The following MAF variants were observed in gnomAD, a reference collection of about 807,000 sequenced individuals.
The protein encoded by MAF is MAF bZIP transcription factor, also known as transcription factor Maf.
A neutral mutation model predicts 22.0 loss-of-function variants in MAF; 10 were observed. The observed-to-expected ratio is 0.45, with a 90% CI of 0.28 to 0.77. MAF has a LOEUF of 0.77. Among genes scored for constraint, MAF ranks in the 30% least tolerant of loss-of-function variants. MAF has a pLI of 0.12. For synonymous variants in MAF, 337 were observed against 255.8 expected (o/e 1.32, Z -3.03); for missense variants, 544 against 548.4 (o/e 0.99, Z 0.08).
chr16:79,557,184 C>T, the MAF span, among the ~76,000 whole-genome samples: 1 of 110,134 alleles, frequency 9.1e-6, no homozygotes, highest in Non-Finnish European at 2.1e-5. Flanking sequence ...TTATTCAATT[C>T]CATTGCTAGT....
At chr16:79,213,931 C>T in the MAF span, among the ~76,000 whole-genome samples, 1 of 152,036 alleles carries the variant, frequency 6.6e-6, no homozygotes, top group African/African-American at 2.4e-5. Context: ...CTCCAGCTAC[C>T]TCTCTAATCT....
At chr16:79,595,549 T>A in intron 1 of MAF, 20 of 1,060,078 alleles carry the variant, frequency 1.9e-5, no homozygotes, top group Non-Finnish European at 2.2e-5. Context: ...ACTGCATGAA[T>A]TTGTAACATT....
At chr16:79,376,768 C>T in the MAF span, among the ~76,000 whole-genome samples, 9 of 152,184 alleles carry the variant, frequency 5.9e-5, no homozygotes, top group South Asian at 4.1e-4. Flanking sequence ...AGTGAGAACA[C>T]GTGGTGTTTG....
chr16:79,567,072 C>A, the MAF span, among the ~76,000 whole-genome samples: 1 of 152,222 alleles, frequency 6.6e-6, no homozygotes, highest in African/African-American at 2.4e-5. Flanking sequence ...GTAATGCCAG[C>A]ACTTTGGGAG....
At chr16:79,492,321 C>T in the MAF span, among the ~76,000 whole-genome samples, 1 of 152,050 alleles carries the variant, frequency 6.6e-6, no homozygotes, top group African/African-American at 2.4e-5. Flanking sequence ...AACCAAAATT[C>T]AACACTATAA....
chr16:79,289,178 T>C, the MAF span, among the ~76,000 whole-genome samples: 1 of 152,194 alleles, frequency 6.6e-6, no homozygotes, highest in South Asian at 2.1e-4. Context: ...AGAAACACTG[T>C]AGGGATTTCA....
At chr16:79,219,041 TAGAA>T in the MAF span, among the ~76,000 whole-genome samples, 5 of 152,222 alleles carry the variant, frequency 3.3e-5, no homozygotes, top group African/African-American at 4.8e-5. Context: ...CCACACCACT[TAGAA>T]AGAAGTGTCT....
the MAF span, among the ~76,000 whole-genome samples, chr16:79,454,246 A>G: frequency 6.6e-6 from 1 of 152,220 alleles, no homozygotes; most frequent in South Asian, 2.1e-4. Flanking sequence ...GCCCAAGCCC[A>G]TAAGCCCTCA....
chr16:79,489,775 T>A, the MAF span, among the ~76,000 whole-genome samples: 1 of 152,268 alleles, frequency 6.6e-6, no homozygotes, highest in Middle Eastern at 3.4e-3. Context: ...AAAGTCCTTG[T>A]GGTTTATCTG....
At chr16:79,314,123 G>A in the MAF span, among the ~76,000 whole-genome samples, 2 of 152,136 alleles carry the variant, frequency 1.3e-5, no homozygotes, top group African/African-American at 4.8e-5. Flanking sequence ...TGATTTCCGT[G>A]TGGCCCTTCC....
the MAF span, among the ~76,000 whole-genome samples, chr16:79,232,913 T>A: frequency 1.4e-5 from 2 of 146,950 alleles, no homozygotes; most frequent in African/African-American, 5.1e-5. Flanking sequence ...CCATCTTGGC[T>A]CACTGCAAGC....
chr16:79,455,225 A>T, the MAF span, among the ~76,000 whole-genome samples: 271 of 152,318 alleles, frequency 1.8e-3, no homozygotes, highest in Middle Eastern at 0.01. Context: ...CCTCAAAGTG[A>T]AGCCATGGTA....
At chr16:79,387,366 A>T in the MAF span, among the ~76,000 whole-genome samples, 1 of 152,184 alleles carries the variant, frequency 6.6e-6, no homozygotes, top group Admixed American at 6.5e-5. Context: ...ATATCTATTT[A>T]TATCCTTACT....
chr16:79,319,518 C>T, the MAF span, among the ~76,000 whole-genome samples: 1 of 152,120 alleles, frequency 6.6e-6, no homozygotes, highest in East Asian at 1.9e-4. Flanking sequence ...TGCTCATTTA[C>T]TCACAGAAAT....
chr16:79,461,434 C>A, the MAF span, among the ~76,000 whole-genome samples: 1 of 152,162 alleles, frequency 6.6e-6, no homozygotes, highest in Non-Finnish European at 1.5e-5. Context: ...TACTTGTCTG[C>A]ATCCTCGGGC....
chr16:79,333,445 C>T, the MAF span, among the ~76,000 whole-genome samples: 6 of 152,220 alleles, frequency 3.9e-5, no homozygotes, highest in Non-Finnish European at 5.9e-5. Flanking sequence ...CAGGCCAAAA[C>T]GATACGACGG....
the MAF span, among the ~76,000 whole-genome samples, chr16:79,337,825 A>C: frequency 6.6e-6 from 1 of 152,174 alleles, no homozygotes; most frequent in Non-Finnish European, 1.5e-5. Flanking sequence ...ATGCACACAC[A>C]AGGCTACTAT....
chr16:79,563,883 T>C, the MAF span, among the ~76,000 whole-genome samples: 2 of 152,196 alleles, frequency 1.3e-5, no homozygotes, highest in Non-Finnish European at 2.9e-5. Flanking sequence ...TAATTTCACA[T>C]CCAAAAAGTA....
the MAF span, among the ~76,000 whole-genome samples, chr16:79,456,123 G>A: frequency 6.6e-6 from 1 of 152,194 alleles, no homozygotes; most frequent in African/African-American, 2.4e-5. Flanking sequence ...CGCTGCCCAT[G>A]TCTCTACCAT....
Sources: allele counts gnomAD v4.1 joint callset (sites outside exome capture counted in the v4.1 genomes callset), GRCh38; gene constraint gnomAD v4.1.1; transcripts MANE v1.5; gene names NCBI Gene and HGNC (gene_info 2026-07-23, HGNC 2026-07-21).